Variants in LTBP3 observed in about 807,000 individuals in gnomAD.
LTBP3 encodes latent transforming growth factor beta binding protein 3.
Under a neutral mutation model 159.7 loss-of-function variants are expected in LTBP3, and 97 were observed. That is an observed-to-expected ratio of 0.61 (90% CI 0.52 to 0.72). LTBP3 has a LOEUF of 0.72. LTBP3 is among the 30% of genes least tolerant of loss of function. The pLI is 0.00. For synonymous variants in LTBP3, 824 were observed against 777.1 expected, an observed-to-expected ratio of 1.06 and a Z score of -1.00; for missense variants, 1,584 against 1,864.3, an observed-to-expected ratio of 0.85 and a Z score of 2.77.
In LTBP3 at chr11:65,540,529, G is replaced by A. The variant is rs1328104847; in HGVS notation, c.3063C>T (p.Cys1021=). ...TCCCGTCGTAGTAGAAGCCCTGCTT[G>A]CAGTAGCACTCGTAGCCAGGCTGCG... ...VNTQPGYECY[C]KQGFYYDGNL... is the part of the protein sequence containing the mutation. Residue 1021 remains cysteine, a synonymous_variant, in exon 22 of 28, where the codon TGC becomes TGT. Coordinates refer to ENST00000301873, the MANE Select transcript of LTBP3 (RefSeq NM_001130144.3). 1 of 1,613,874 alleles carries A rather than the reference G, an allele frequency of 6.2e-7. No individual in the cohort carries two copies. Among genetic ancestry groups the A allele is most frequent in the African/African-American group, 1.3e-5 (1 of 75,056 alleles).
intron 16 of LTBP3, chr11:65,545,413 C>A (rs1164306472): frequency 2.6e-5 from 6 of 229,932 alleles, no homozygotes; most frequent in Admixed American, 1.1e-4. Flanking sequence ...CTCACAGGCA[C>A]AATCCATTCA....
Position 65,539,079 on chromosome 11 carries a change from G to A in LTBP3, c.*1C>T, listed in dbSNP as rs769701514. 5.8e-6 allele frequency: 8 copies of A among 1,387,500 alleles called. No homozygotes were observed. Among genetic ancestry groups the A allele is most frequent in the Middle Eastern group, 2.6e-4 (1 of 3,890 alleles). 85.9% of individuals were successfully genotyped at this position (1,387,500 alleles called of 1,614,324 possible). The stretch of plus-strand genomic sequence containing the variant: ...CTGGGCCGAGGGCGGCGTCGGCGGC[G>A]TCAGCGGCGGCGCTGGGGAACGCAG... On this transcript the variant is annotated 3_prime_UTR_variant, in exon 28 of 28. Coordinates refer to ENST00000301873, the MANE Select transcript of LTBP3 (RefSeq NM_001130144.3).
chr11:65,542,889 G>A, intron 18 of LTBP3: 1 of 627,462 alleles, frequency 1.6e-6, no homozygotes, highest in Non-Finnish European at 2.8e-6. Flanking sequence ...CAGATGGATG[G>A]GTGGGTGAGT....
rs553808538 is a variant in LTBP3 at position 65,547,348 on chromosome 11, GAA to G, written c.2107+89_2107+90del. On this transcript the variant is annotated intron_variant, in intron 14 of 27. Coordinates refer to ENST00000301873, the MANE Select transcript of LTBP3 (RefSeq NM_001130144.3). The surrounding 1 kb of genome is among the most constrained non-coding windows in gnomAD (Gnocchi z 4.6). Reference sequence around the variant, plus strand: ...GACAGAGTGAGACTCCGTCTCGGGGGAAAAAAAAAAAAATGCAGGCACCCCAG... The same window carrying G: ...GACAGAGTGAGACTCCGTCTCGGGGGAAAAAAAAAAATGCAGGCACCCCAG... 396 of 830,420 alleles carry G rather than the reference GAA, an allele frequency of 4.8e-4. No homozygotes were observed. The highest frequency in any genetic ancestry group is 6.5e-4 in the Middle Eastern group (2 of 3,098). The allele number at this position is 830,420 out of a possible 1,614,324, so 51.4% of individuals were successfully genotyped here. A position where few individuals can be genotyped will look rare whatever the true frequency, so the allele number is the denominator to read the frequency against.
Position 65,558,165 on chromosome 11 carries a change from C to T in LTBP3, c.-206G>A. On this transcript the variant is annotated 5_prime_UTR_variant, in exon 1 of 28. Transcript: ENST00000301873. ...GACAGCGGGGAGCGCAGAAACTTCCCAGCCCCAGGACGAAGCCCAGACCAG... is the reference window on the plus strand; with the variant it reads ...GACAGCGGGGAGCGCAGAAACTTCCTAGCCCCAGGACGAAGCCCAGACCAG... 1 of 1,071,760 alleles carries T rather than the reference C, an allele frequency of 9.3e-7. No individual in the cohort carries two copies. The highest frequency in any genetic ancestry group is 1.1e-6 in the Non-Finnish European group (1 of 884,488). 66.4% of individuals were successfully genotyped at this position (1,071,760 alleles called of 1,614,324 possible). A position where few individuals can be genotyped will look rare whatever the true frequency, so the allele number is the denominator to read the frequency against.
chr11:65,539,556 G>A lies in LTBP3; in HGVS notation c.3620C>T (p.Pro1207Leu). The A allele has an allele frequency of 1.2e-6, 2 of 1,612,606 alleles. No homozygotes were observed. Among genetic ancestry groups the A allele is most frequent in the African/African-American group, 1.3e-5 (1 of 74,970 alleles). Residue 1207 changes from proline to leucine, a missense_variant, in exon 26 of 28, where the codon CCC (proline) becomes CTC (leucine). Pro to Leu is a moderately conservative substitution (Grantham distance 98, BLOSUM62 -3). Around this residue, in one of 6 missense-constraint regions of LTBP3, gnomAD observed 514 missense variants for 530.3 expected, o/e 0.97. Coordinates refer to ENST00000301873, the MANE Select transcript of LTBP3 (RefSeq NM_001130144.3). Reference sequence around the variant, plus strand: ...GACCCGGCAGCACTCACCTCTTGGGGGCTTCCCCAACAGCAGGGGGCTTGT... The same window carrying A: ...GACCCGGCAGCACTCACCTCTTGGGAGCTTCCCCAACAGCAGGGGGCTTGT... ...WDTSPLLLGK[P>L]PRDEDSSEED...
At position 65,538,786 on chromosome 11, in the gene LTBP3, C is replaced by G. The variant is rs1192899081; in HGVS notation, c.*294G>C. 1.1e-5 allele frequency: 9 copies of G among 822,160 alleles called. No homozygotes were observed. The highest frequency in any genetic ancestry group is 1.6e-5 in the Non-Finnish European group (9 of 556,158). 50.9% of individuals were successfully genotyped at this position (822,160 alleles called of 1,614,324 possible). ...CTGCGCAGCCCGCGCCCACGTCAGA[C>G]GTGAACATCAATTTGCTTCGAAAGC... On this transcript the variant is annotated 3_prime_UTR_variant, in exon 28 of 28. Coordinates refer to ENST00000301873, the MANE Select transcript of LTBP3 (RefSeq NM_001130144.3).
At position 65,546,021 on chromosome 11, in the gene LTBP3, T is replaced by A. The variant is rs1455422339; in HGVS notation, c.2353+421A>T. Among the ~76,000 whole-genome samples, 1 of 152,030 alleles carries A rather than the reference T, an allele frequency of 6.6e-6. No homozygotes were observed. Among genetic ancestry groups the A allele is most frequent in the Non-Finnish European group, 1.5e-5 (1 of 68,020 alleles). On this transcript the variant is annotated intron_variant, in intron 16 of 27. Transcript: ENST00000301873. The surrounding 1 kb of genome is among the most constrained non-coding windows in gnomAD (Gnocchi z 4.0). ...GATGACCCAGGCCTCCTTCCTCCCA[T>A]CCCGCTGTGTCTCCAGGAAGCAGCC...
chr11:65,554,833 C>T lies in LTBP3; in HGVS notation c.332-453G>A, dbSNP rs993615712. Among the ~76,000 whole-genome samples, 6 of 152,016 alleles carry T rather than the reference C, an allele frequency of 3.9e-5. No homozygotes were observed. Among genetic ancestry groups the T allele is most frequent in the African/African-American group, 1.4e-4 (6 of 41,414 alleles). ...GCCTCCTCCTCTTCTCCCATAAACC[C>T]TTCCCTCCTTCAGGCCTCAGTCCTC... On this transcript the variant is annotated intron_variant, in intron 1 of 27. Transcript: ENST00000301873. The surrounding 1 kb of genome is among the most constrained non-coding windows in gnomAD (Gnocchi z 5.3).
intron 23 of LTBP3, 40 bp downstream of exon 23, chr11:65,540,205 C>T (rs1565088172): frequency 5.2e-6 from 8 of 1,544,958 alleles, no homozygotes; most frequent in Non-Finnish European, 7.0e-6. Context: ...GCCCGGGCCC[C>T]GCCCCTCCCG....
intron 16 of LTBP3, chr11:65,544,785 T>TA: frequency 6.5e-6 from 1 of 152,976 alleles, no homozygotes; most frequent in Non-Finnish European, 1.5e-5. Flanking sequence ...CTGCTCCTGT[T>TA]ACAGCAAGAG....
chr11:65,547,495 T>C lies in LTBP3; in HGVS notation c.2051A>G (p.Lys684Arg). 1.9e-6 allele frequency: 3 copies of C among 1,613,894 alleles called. No homozygotes were observed. Among genetic ancestry groups the C allele is most frequent in the Non-Finnish European group, 2.5e-6 (3 of 1,179,916 alleles). ...GFCINFPGHY[K>R]CNCYPGYRLK... ...CCGGTAGCCGGGGTAGCAGTTGCAC[T>C]TGTAGTGACCGGGAAAGTTGATGCA... Residue 684 changes from lysine (K) to arginine (R), a missense_variant, in exon 14 of 28, where the codon AAG becomes AGG. Physicochemically the swap from Lys to Arg is conservative, Grantham distance 26. Transcript: ENST00000301873. This position sits in a 1 kb window ranked among gnomAD's most constrained non-coding sequence, Gnocchi z 4.6.
In LTBP3 at chr11:65,540,251, C is replaced by T. The variant is rs907483608; in HGVS notation, c.3238G>A (p.Glu1080Lys). 54 of 1,550,328 alleles carry T rather than the reference C, an allele frequency of 3.5e-5. No homozygotes were observed. In the Admixed American group the frequency reaches 7.8e-4, roughly 23 times the overall value. ...TCCCCGGCCCGGGCCTCACCCATCT[C>T]TTCCGGGCTCAGGCACTGGCGCTGC... Reference protein sequence around the residue: ...PAQRQCLSPEEMDVDECQDPA... With the variant: ...PAQRQCLSPEKMDVDECQDPA... The change falls in exon 23 of 28, where the codon GAG (glutamate) becomes AAG (lysine). Residue 1080 changes from glutamate (E) to lysine (K), a missense_variant. Transcript: ENST00000301873.
chr11:65,555,647 G>T (rs1408901819), intron 1 of LTBP3, among the ~76,000 whole-genome samples: 1 of 152,170 alleles, frequency 6.6e-6, no homozygotes, highest in Non-Finnish European at 1.5e-5. Context: ...AGGGGGTTCG[G>T]GGGAATGAAT....
chr11:65,542,770 C>G, intron 18 of LTBP3: 1 of 361,154 alleles, frequency 2.8e-6, no homozygotes, highest in Non-Finnish European at 5.4e-6. Context: ...ACATTAATAT[C>G]TGTAAAGAGC....
Position 65,540,626 on chromosome 11 carries a change from C to A in LTBP3, c.2978-12G>T. ...GCACTCGTCGATGTCTGCGGGGTGA[C>A]AAACACTGGCCGCTCCGGTCCCGCA... On this transcript the variant is annotated splice_polypyrimidine_tract_variant and intron_variant, in intron 21 of 27. Coordinates refer to ENST00000301873, the MANE Select transcript of LTBP3 (RefSeq NM_001130144.3). 1 of 1,597,772 alleles carries A rather than the reference C, an allele frequency of 6.3e-7. No homozygotes were observed. Among genetic ancestry groups the A allele is most frequent in the East Asian group, 2.3e-5 (1 of 44,022 alleles).
Position 65,540,953 on chromosome 11 carries a change from G to A in LTBP3, c.2895C>T (p.Ala965=), listed in dbSNP as rs199948422. 35 of 1,613,004 alleles carry A rather than the reference G, an allele frequency of 2.2e-5. No individual in the cohort carries two copies. Among genetic ancestry groups the A allele is most frequent in the Non-Finnish European group, 2.7e-5 (32 of 1,179,638 alleles). The change falls in exon 21 of 28, where the codon GCC becomes GCT. Residue 965 remains alanine, a splice_region_variant and synonymous_variant. Transcript: ENST00000301873. ...CGTCTGGGCAGAGGCTGTGGAACTC[G>A]GCTGCAGGGGCAGGGCGGCCGTGGG... is the stretch of plus-strand genomic sequence containing the variant. ...EIYPCPVYSS[A]EFHSLCPDGK... is the part of the protein sequence containing the mutation.
At chr11:65,541,088 A>G in intron 20 of LTBP3, 38 bp downstream of exon 20, 2 of 1,601,180 alleles carry the variant, frequency 1.2e-6, no homozygotes, top group Non-Finnish European at 1.7e-6. Flanking sequence ...CAGATGAAGA[A>G]ACTGAAGATC....
In LTBP3 at chr11:65,541,044, C is replaced by G. The variant is rs1856113433; in HGVS notation, c.2893+82G>C. ...CTGCAGCCCGCCGCCTATTTCCCAA[C>G]TGCCAGGGGGCGCCATTTCCCACAT... On this transcript the variant is annotated intron_variant, in intron 20 of 27. Transcript: ENST00000301873. 3 of 1,584,592 alleles carry G rather than the reference C, an allele frequency of 1.9e-6. No homozygotes were observed. In the African/African-American group the frequency reaches 4.0e-5, roughly 21 times the overall value.
Sources: gnomAD v4.1 joint callset for allele counts (sites outside exome capture counted in the v4.1 genomes callset) on GRCh38, gnomAD v4.1.1 for gene constraint, gnomAD v4.1.1 regional missense constraint, Gnocchi (gnomAD v3.1) non-coding constraint, MANE v1.5 for transcripts, NCBI Gene and HGNC (gene_info 2026-07-23, HGNC 2026-07-21) for gene names.